PCDH11X: variants seen among roughly 807,000 people sequenced by gnomAD.
The protein encoded by PCDH11X is protocadherin 11 X-linked.
PCDH11X carries 18 observed loss-of-function variants against 53.3 expected under a neutral mutation model. The observed-to-expected ratio is 0.34, with a 90% CI of 0.23 to 0.50. The LOEUF is 0.50. Ranked by LOEUF, PCDH11X falls within the 20% of genes least tolerant of loss-of-function variation. The pLI, the probability that PCDH11X is intolerant of heterozygous loss-of-function variation, is 0.98. For synonymous variants in PCDH11X, 279 were observed against 393.3 expected (o/e 0.71, Z 3.44); for missense variants, 570 against 1,032.4 (o/e 0.55, Z 6.14).
chrX:91,815,357 C>T (rs1347179716), intron 4 of PCDH11X, among the ~76,000 whole-genome samples: 1 of 111,676 alleles, frequency 9.0e-6, no homozygotes, highest in Non-Finnish European at 1.9e-5. Flanking sequence ...AATGAATGGT[C>T]TTGCTACAAT....
chrX:91,782,819 A>T (rs889524513), intron 1 of PCDH11X, among the ~76,000 whole-genome samples: 11 of 111,648 alleles, frequency 9.9e-5, no homozygotes, highest in Non-Finnish European at 2.1e-4. Context: ...TTGCTCTTAT[A>T]GTCCTAAGGA....
chrX:92,172,556 G>T (rs1256331042), intron 6 of PCDH11X, among the ~76,000 whole-genome samples: 1 of 109,036 alleles, frequency 9.2e-6, no homozygotes, highest in African/African-American at 3.3e-5. Flanking sequence ...TGCCCAGCTA[G>T]TTAACAAATT....
chrX:91,818,355 G>T (rs1354528319), intron 4 of PCDH11X, among the ~76,000 whole-genome samples: 1 of 105,841 alleles, frequency 9.4e-6, no homozygotes, highest in African/African-American at 3.9e-5. Flanking sequence ...AACAATAACC[G>T]CAAATGCATG....
At chrX:91,863,711 A>G (rs1354642784) in intron 5 of PCDH11X, among the ~76,000 whole-genome samples, 7 of 110,168 alleles carry the variant, frequency 6.4e-5, no homozygotes, top group Non-Finnish European at 3.8e-5. Context: ...AGTGAAGGAG[A>G]TTTTCTCTGG....
At position 91,982,715 on chromosome X, in the gene PCDH11X, C is replaced by A. The variant is rs763815356; in HGVS notation, c.3033+103442C>A. 3 of 997,238 alleles carry A rather than the reference C, an allele frequency of 3.0e-6. No homozygotes were observed. The African/African-American group carries it at 5.7e-5, about 19-fold the overall frequency. The allele number at this position is 997,238 out of a possible 1,213,427, so 82.2% of individuals were successfully genotyped here. Reference sequence around the variant, plus strand: ...CACCAGCATTGACGTTCTTGCCATCCAGAAGAGCTGACAGTGTCAGTTTGA... The same window carrying A: ...CACCAGCATTGACGTTCTTGCCATCAAGAAGAGCTGACAGTGTCAGTTTGA... On this transcript the variant is annotated intron_variant, in intron 6 of 10. Coordinates refer to ENST00000682573, the MANE Select transcript of PCDH11X (RefSeq NM_032968.5).
At chrX:91,969,933 A>C (rs1203108508) in intron 6 of PCDH11X, among the ~76,000 whole-genome samples, 1 of 110,936 alleles carries the variant, frequency 9.0e-6, no homozygotes, top group Non-Finnish European at 1.9e-5. Flanking sequence ...AATTTATTGA[A>C]TCCCACTAAG....
intron 10 of PCDH11X, among the ~76,000 whole-genome samples, chrX:92,521,271 G>A (rs1247518431): frequency 8.9e-6 from 1 of 111,936 alleles, no homozygotes; most frequent in Non-Finnish European, 1.9e-5. Context: ...ATTATTCTTT[G>A]ATTCATGGAC....
chrX:92,143,283 G>A (rs1279561187), intron 6 of PCDH11X, among the ~76,000 whole-genome samples: 2 of 112,156 alleles, frequency 1.8e-5, no homozygotes, highest in Middle Eastern at 4.6e-3. Flanking sequence ...CTGTCCTAAT[G>A]TCAGTCCTGA....
chrX:92,216,842 A>G (rs1307511627), intron 7 of PCDH11X, among the ~76,000 whole-genome samples: 3 of 104,776 alleles, frequency 2.9e-5, no homozygotes, highest in African/African-American at 7.1e-5. Flanking sequence ...CATCAGACTA[A>G]CAGCGGATCT....
chrX:92,237,155 G>A (rs978293532), intron 7 of PCDH11X, among the ~76,000 whole-genome samples: 37 of 110,568 alleles, frequency 3.3e-4, no homozygotes, highest in African/African-American at 1.2e-3. Flanking sequence ...GAAATTTGTG[G>A]TTTTTTTAAA....
chrX:92,261,644 A>AG (rs200707178), intron 7 of PCDH11X, among the ~76,000 whole-genome samples: 13,291 of 111,735 alleles, frequency 0.12, 1,201 homozygotes, highest in African/African-American at 0.3. Flanking sequence ...ACTAAAAAAA[A>AG]ATCTTTTGTG....
chrX:92,347,150 A>G (rs1254882096), intron 8 of PCDH11X, among the ~76,000 whole-genome samples: 1 of 111,846 alleles, frequency 8.9e-6, no homozygotes, highest in African/African-American at 3.2e-5. Flanking sequence ...TTTTAAAATT[A>G]TTTGCATATG....
At chrX:92,096,968 G>A (rs1167649078) in intron 6 of PCDH11X, among the ~76,000 whole-genome samples, 1 of 111,854 alleles carries the variant, frequency 8.9e-6, no homozygotes, top group Non-Finnish European at 1.9e-5. Flanking sequence ...TGAGCCTAAT[G>A]GATCTGTCAA....
chrX:91,918,193 G>T (rs989377196), intron 6 of PCDH11X, among the ~76,000 whole-genome samples: 6 of 110,056 alleles, frequency 5.5e-5, no homozygotes, highest in Non-Finnish European at 1.1e-4. Flanking sequence ...CAGAAGTTTA[G>T]GCAGGCTTGG....
chrX:92,015,431 G>A lies in PCDH11X; in HGVS notation c.3033+136158G>A, dbSNP rs766041695. ...GTAGCATGCAATGCTGTTTGATAGC[G>A]TGTTACCCACAGCAAAACTTCTTTC... On this transcript the variant is annotated intron_variant, in intron 6 of 10. Coordinates refer to ENST00000682573, the MANE Select transcript of PCDH11X (RefSeq NM_032968.5). Among the ~76,000 whole-genome samples, 13 of 112,292 alleles carry A rather than the reference G, an allele frequency of 1.2e-4. No homozygotes were observed. In the South Asian group the frequency reaches 3.3e-3, roughly 28 times the overall value.
chrX:91,896,212 C>A (rs1279253402), intron 6 of PCDH11X, among the ~76,000 whole-genome samples: 1 of 110,193 alleles, frequency 9.1e-6, no homozygotes, highest in Admixed American at 9.8e-5. Flanking sequence ...GCAGTGTAAA[C>A]CTCCTGTGCT....
intron 10 of PCDH11X, among the ~76,000 whole-genome samples, chrX:92,535,179 C>T (rs997032308): frequency 2.7e-5 from 3 of 111,849 alleles, no homozygotes; most frequent in Non-Finnish European, 3.8e-5. Context: ...TGGGTATATA[C>T]CCAAAGGAAT....
intron 10 of PCDH11X, among the ~76,000 whole-genome samples, chrX:92,594,819 C>T (rs1425088196): frequency 1.0e-5 from 1 of 97,247 alleles, no homozygotes; most frequent in Non-Finnish European, 2.0e-5. Context: ...AATCTTCCTA[C>T]GAATTTGTTT....
At chrX:92,519,026 GA>G (rs1388835418) in intron 10 of PCDH11X, among the ~76,000 whole-genome samples, 7 of 110,111 alleles carry the variant, frequency 6.4e-5, no homozygotes, top group Non-Finnish European at 1.1e-4. Context: ...CAAAGGGCTG[GA>G]AAAAAATTTT....
Sources: gnomAD v4.1 joint callset for allele counts (sites outside exome capture counted in the v4.1 genomes callset) on GRCh38, gnomAD v4.1.1 for gene constraint, MANE v1.5 for transcripts, NCBI Gene and HGNC (gene_info 2026-07-23, HGNC 2026-07-21) for gene names.